The following ECPAS variants were observed in gnomAD, a reference collection of about 807,000 sequenced individuals.
ECPAS encodes the protein Ecm29 proteasome adaptor and scaffold.
A neutral mutation model predicts 255.1 loss-of-function variants in ECPAS; 70 were observed. That is an observed-to-expected ratio of 0.27 (90% confidence interval 0.23 to 0.33). The LOEUF (loss-of-function observed/expected upper bound fraction) is 0.33, where lower values mean the gene tolerates loss of function less well. Ranked by LOEUF, ECPAS falls within the 10% of genes least tolerant of loss-of-function variation. The pLI is 1.00. For synonymous variants in ECPAS, 784 were observed against 775.0 expected, an observed-to-expected ratio of 1.01 and a Z score of -0.19; for missense variants, 1,817 against 2,206.4, an observed-to-expected ratio of 0.82 and a Z score of 3.54.
chr9:111,380,586 C>G (rs2098139381), intron 35 of ECPAS, among the ~76,000 whole-genome samples: 1 of 152,210 alleles, frequency 6.6e-6, no homozygotes, highest in African/African-American at 2.4e-5. Context: ...TCAGCCTGGC[C>G]TTTGAAGCGT....
chr9:111,460,371 A>T (rs1007681646), intron 2 of ECPAS, among the ~76,000 whole-genome samples: 1 of 152,228 alleles, frequency 6.6e-6, no homozygotes, highest in Non-Finnish European at 1.5e-5. Flanking sequence ...AACTTACAGC[A>T]AACATTATAT....
At chr9:111,396,562 A>AT (rs1043037486) in intron 25 of ECPAS, among the ~76,000 whole-genome samples, 1 of 152,008 alleles carries the variant, frequency 6.6e-6, no homozygotes, top group Non-Finnish European at 1.5e-5. Flanking sequence ...TCTGCTTTTT[A>AT]TTTTTTGAGA....
rs34928672 is a variant in ECPAS at position 111,389,947 on chromosome 9, GA to G, written c.3279+36del. ...CCAATGTAGCATGTTTGGTTTGCAT[GA>G]AAAAAATAAATAATTGTCCAGTGAT... On this transcript the variant is annotated intron_variant, in intron 30 of 49. Transcript: ENST00000684092. 27 of 1,417,674 alleles carry G rather than the reference GA, an allele frequency of 1.9e-5. No homozygotes were observed. In the African/African-American group the frequency reaches 3.8e-4, roughly 20 times the overall value. The allele number at this position is 1,417,674 out of a possible 1,614,324, so 87.8% of individuals were successfully genotyped here. A position where few individuals can be genotyped will look rare whatever the true frequency, so the allele number is the denominator to read the frequency against.
At chr9:111,454,690 C>A (rs1446600595) in intron 2 of ECPAS, among the ~76,000 whole-genome samples, 2 of 151,616 alleles carry the variant, frequency 1.3e-5, no homozygotes, top group Non-Finnish European at 2.9e-5. Flanking sequence ...ACAGATATAA[C>A]TGCTATATTT....
Position 111,395,634 on chromosome 9 carries a change from T to C in ECPAS, c.2777-1329A>G, listed in dbSNP as rs1001926939. Among the ~76,000 whole-genome samples the C allele has an allele frequency of 3.9e-5, 6 of 152,310 alleles. No individual in the cohort carries two copies. In the East Asian group the frequency reaches 1.2e-3, roughly 29 times the overall value. ...TTCAGAGGATGAAGACTGGCACAGATGCCTCTCTACTAACCTCTACTTGCT... is the reference window on the plus strand; with the variant it reads ...TTCAGAGGATGAAGACTGGCACAGACGCCTCTCTACTAACCTCTACTTGCT... On this transcript the variant is annotated intron_variant, in intron 25 of 49. Coordinates refer to ENST00000684092, the MANE Select transcript of ECPAS (RefSeq NM_001364929.1).
In ECPAS at chr9:111,421,945, T is replaced by G. The variant is rs556565260; in HGVS notation, c.1431A>C (p.Ala477=). ...CCTTTATTAAGTACGAAGCCACAAG[T>G]GCCTCCATGAGAGTTCGCTGTGCCC... The part of the protein sequence containing the change: ...LEGAQRTLME[A]LVASYLIKPE... Residue 477 remains alanine, a synonymous_variant, in exon 15 of 50, where the codon GCA becomes GCC. Transcript: ENST00000684092. 6.2e-7 allele frequency: 1 copy of G among 1,613,680 alleles called. No individual in the cohort carries two copies. The highest frequency in any genetic ancestry group is 1.1e-5 in the South Asian group (1 of 91,056).
chr9:111,396,886 C>A, intron 25 of ECPAS, 144 bp downstream of exon 25: 1 of 1,101,146 alleles, frequency 9.1e-7, no homozygotes, highest in Admixed American at 2.1e-5. Context: ...AACTATTTTT[C>A]TTGACTGAAT....
chr9:111,417,426 T>C (rs1038615394), intron 17 of ECPAS, among the ~76,000 whole-genome samples: 4 of 152,094 alleles, frequency 2.6e-5, no homozygotes, highest in African/African-American at 9.7e-5. Context: ...TGTATCTTCT[T>C]CTTATTGTAA....
At chr9:111,478,556 TAAATA>T (rs59471800) in intron 1 of ECPAS, among the ~76,000 whole-genome samples, 4,259 of 151,924 alleles carry the variant, frequency 0.028, 209 homozygotes, top group African/African-American at 0.096. Context: ...AATAAATAAA[TAAATA>T]AAATAAAAGA....
intron 10 of ECPAS, 93 bp from the exon 11 acceptor site, chr9:111,425,921 T>TA: frequency 3.2e-6 from 2 of 624,418 alleles, no homozygotes; most frequent in Non-Finnish European, 5.5e-6. Flanking sequence ...AGACCTTTCA[T>TA]ACTACATCTC....
chr9:111,444,153 C>T (rs986834153), intron 4 of ECPAS, among the ~76,000 whole-genome samples: 1 of 151,702 alleles, frequency 6.6e-6, no homozygotes, highest in Non-Finnish European at 1.5e-5. Flanking sequence ...TTCCTTTGCC[C>T]AAAGTAAATA....
At chr9:111,362,343 T>G (rs964021324) in intron 49 of ECPAS, among the ~76,000 whole-genome samples, 174 bp from the exon 50 acceptor site, 3 of 152,196 alleles carry the variant, frequency 2.0e-5, no homozygotes, top group Non-Finnish European at 2.9e-5. Context: ...CATTACATAC[T>G]GTCAATATGT....
chr9:111,478,884 T>G (rs2098299970), intron 1 of ECPAS, among the ~76,000 whole-genome samples: 1 of 152,218 alleles, frequency 6.6e-6, no homozygotes, highest in South Asian at 2.1e-4. Context: ...TGGTGTCTCT[T>G]TTGTACCCAA....
At chr9:111,464,270 C>CAAA (rs200787710) in intron 2 of ECPAS, among the ~76,000 whole-genome samples, 29 of 124,244 alleles carry the variant, frequency 2.3e-4, no homozygotes, top group African/African-American at 7.4e-4. Flanking sequence ...CCATCTCTAC[C>CAAA]AAAAAAAAAA....
At chr9:111,368,256 C>A (rs909582675) in intron 46 of ECPAS, among the ~76,000 whole-genome samples, 1 of 152,124 alleles carries the variant, frequency 6.6e-6, no homozygotes, top group South Asian at 2.1e-4. Flanking sequence ...TTCATTTAAT[C>A]TTTGGGAAAT....
At chr9:111,365,484 T>C (rs762723873) in intron 48 of ECPAS, 66 of 152,902 alleles carry the variant, frequency 4.3e-4, no homozygotes, top group Admixed American at 7.2e-4. Flanking sequence ...CTGGCCAACT[T>C]CGTGAAGCCC....
chr9:111,389,958 A>G lies in ECPAS; in HGVS notation c.3279+26T>C. 3.4e-6 allele frequency: 5 copies of G among 1,457,734 alleles called. 1 individual carries two copies. Among genetic ancestry groups the G allele is most frequent in the South Asian group, 2.4e-5 (2 of 83,720 alleles). The allele number at this position is 1,457,734 out of a possible 1,614,324, so 90.3% of individuals were successfully genotyped here. ...TGTTTGGTTTGCATGAAAAAAATAA[A>G]TAATTGTCCAGTGATAGCAACTTAC... is the stretch of plus-strand genomic sequence containing the variant. On this transcript the variant is annotated intron_variant, in intron 30 of 49. Coordinates refer to ENST00000684092, the MANE Select transcript of ECPAS (RefSeq NM_001364929.1).
intron 24 of ECPAS, among the ~76,000 whole-genome samples, 175 bp from the exon 25 acceptor site, chr9:111,397,328 A>G (rs1165959855): frequency 6.6e-6 from 1 of 152,210 alleles, no homozygotes; most frequent in African/African-American, 2.4e-5. Flanking sequence ...GAGGGAGTGG[A>G]GGATATAAGA....
At chr9:111,439,484 G>A (rs745783226) in intron 6 of ECPAS, among the ~76,000 whole-genome samples, 14 of 152,124 alleles carry the variant, frequency 9.2e-5, no homozygotes, top group Admixed American at 3.3e-4. Context: ...GCCCAGGCTG[G>A]TCTCAAACTT....
Sources: gnomAD v4.1 joint callset for allele counts (sites outside exome capture counted in the v4.1 genomes callset) on GRCh38, gnomAD v4.1.1 for gene constraint, MANE v1.5 for transcripts, NCBI Gene and HGNC (gene_info 2026-07-23, HGNC 2026-07-21) for gene names.